The following SNX2 variants were observed in gnomAD, a reference collection of about 807,000 sequenced individuals.
The protein encoded by SNX2 is sorting nexin-2.
Under a neutral mutation model 69.9 loss-of-function variants are expected in SNX2, and 25 were observed. The ratio of observed to expected loss-of-function variants is 0.36; its 90% CI spans 0.26 to 0.50. SNX2 has a LOEUF of 0.50. SNX2 is among the 20% of genes least tolerant of loss of function. The probability of loss-of-function intolerance (pLI) is 0.97; values close to 1 mark genes in which losing one functional copy is unlikely to be tolerated. For synonymous variants in SNX2, 229 were observed against 200.4 expected, an observed-to-expected ratio of 1.14 and a Z score of -1.20; for missense variants, 551 against 613.3, an observed-to-expected ratio of 0.90 and a Z score of 1.07.
At chr5:122,798,433 C>T (rs1753434485) in intron 2 of SNX2, among the ~76,000 whole-genome samples, 1 of 152,072 alleles carries the variant, frequency 6.6e-6, no homozygotes, top group Non-Finnish European at 1.5e-5. Context: ...CATGAGATAA[C>T]CAGTAAGAAT....
chr5:122,789,587 G>C (rs539519609), intron 1 of SNX2, among the ~76,000 whole-genome samples: 1 of 152,052 alleles, frequency 6.6e-6, no homozygotes, highest in Non-Finnish European at 1.5e-5. Flanking sequence ...CTCCATGCCT[G>C]GGACTTGCTT....
chr5:122,779,826 T>C (rs935276425), intron 1 of SNX2, among the ~76,000 whole-genome samples: 3 of 152,178 alleles, frequency 2.0e-5, no homozygotes, highest in Non-Finnish European at 4.4e-5. Context: ...TTGCTGCTCC[T>C]ATCAACCCAT....
intron 2 of SNX2, among the ~76,000 whole-genome samples, chr5:122,796,505 G>A (rs966679533): frequency 6.6e-6 from 1 of 152,166 alleles, no homozygotes; most frequent in African/African-American, 2.4e-5. Context: ...ACAACTTAGA[G>A]TCAAAATCAC....
intron 11 of SNX2, among the ~76,000 whole-genome samples, chr5:122,823,134 C>T (rs1754061073): frequency 6.6e-6 from 1 of 151,504 alleles, no homozygotes; most frequent in South Asian, 2.1e-4. Context: ...AATGGAGGTC[C>T]TAAATGGATG....
chr5:122,787,911 C>A (rs2150002379), intron 1 of SNX2, among the ~76,000 whole-genome samples: 1 of 152,160 alleles, frequency 6.6e-6, no homozygotes, highest in East Asian at 1.9e-4. Flanking sequence ...ATCTTTACTT[C>A]AACAGTCATG....
At chr5:122,806,134 A>ATGCACGCG (rs142218645) in intron 6 of SNX2, among the ~76,000 whole-genome samples, 1 of 121,374 alleles carries the variant, frequency 8.2e-6, no homozygotes, top group African/African-American at 2.8e-5. Context: ...ATATATACAC[A>ATGCACGCG]CGCGCGCGCA....
chr5:122,818,135 G>A (rs927302022), intron 10 of SNX2, among the ~76,000 whole-genome samples: 2 of 152,096 alleles, frequency 1.3e-5, no homozygotes, highest in African/African-American at 4.8e-5. Context: ...TAGGGAATGG[G>A]CTTTTTTGGA....
rs568115607 is a variant in SNX2, at chr5:122,815,983, A to G, written c.798+12A>G. On this transcript the variant is annotated intron_variant, in intron 8 of 14. Coordinates refer to ENST00000379516, the MANE Select transcript of SNX2 (RefSeq NM_003100.4). The stretch of plus-strand genomic sequence containing the variant: ...TGGAAAGTTCAGAGGTATTATTTCT[A>G]TATTAAATGTTTGTATATGAATGTT... 2 of 1,473,284 alleles carry G rather than the reference A, an allele frequency of 1.4e-6. No individual in the cohort carries two copies. The highest frequency in any genetic ancestry group is 1.4e-5 in the African/African-American group (1 of 71,648). The allele number at this position is 1,473,284 out of a possible 1,614,324, so 91.3% of individuals were successfully genotyped here. A position where few individuals can be genotyped will look rare whatever the true frequency, so the allele number is the denominator to read the frequency against.
chr5:122,806,168 A>ACACACACACAC (rs1491247026), intron 6 of SNX2, among the ~76,000 whole-genome samples: 14 of 145,760 alleles, frequency 9.6e-5, no homozygotes, highest in Non-Finnish European at 4.6e-5. Flanking sequence ...ACACACACAC[A>ACACACACACAC]GCCCACCATT....
intron 14 of SNX2, 84 bp from the exon 15 acceptor site, chr5:122,829,514 T>G (rs6885464): frequency 0.36 from 407,030 of 1,123,260 alleles, 78,538 homozygotes; most frequent in African/African-American, 0.49. Context: ...TTATGTAGAT[T>G]TTTTTTTAAT....
intron 7 of SNX2, among the ~76,000 whole-genome samples, chr5:122,813,962 T>A (rs1753840871): frequency 6.6e-6 from 1 of 151,902 alleles, no homozygotes. Flanking sequence ...TTAGTGGAGA[T>A]GGGGTTTCAC....
intron 7 of SNX2, among the ~76,000 whole-genome samples, chr5:122,808,869 G>T (rs1427238821): frequency 1.3e-5 from 2 of 152,052 alleles, no homozygotes; most frequent in African/African-American, 4.8e-5. Context: ...TAACTTTTCT[G>T]ATGAGTTTTT....
intron 1 of SNX2, among the ~76,000 whole-genome samples, chr5:122,789,474 GACACACACACAC>G (rs60199625): frequency 1.7e-4 from 25 of 144,684 alleles, no homozygotes; most frequent in South Asian, 4.5e-4. Context: ...GACACACACG[GACACACACACAC>G]ACACACACAC....
chr5:122,806,142 G>GCACGCGCACACACACACACACACACACA (rs1554063175), intron 6 of SNX2, among the ~76,000 whole-genome samples: 73 of 130,652 alleles, frequency 5.6e-4, no homozygotes, highest in African/African-American at 1.6e-3. Flanking sequence ...ACACGCGCGC[G>GCACGCGCACACACACACACACACACACA]CACACACACA....
intron 7 of SNX2, chr5:122,808,578 C>T (rs1753703091): frequency 2.8e-6 from 1 of 362,174 alleles, no homozygotes; most frequent in African/African-American, 2.1e-5. Flanking sequence ...AATAGTCTAA[C>T]AAAATAACAC....
chr5:122,818,881 A>C lies in SNX2; in HGVS notation c.1070A>C (p.His357Pro). The C allele has an allele frequency of 6.2e-7, 1 of 1,614,044 alleles. No homozygotes were observed. The highest frequency in any genetic ancestry group is 8.5e-7 in the Non-Finnish European group (1 of 1,179,946). The change falls in exon 11 of 15, where the codon CAT (histidine) becomes CCT (proline). Residue 357 changes from histidine (H) to proline (P), a missense_variant. Coordinates refer to ENST00000379516, the MANE Select transcript of SNX2 (RefSeq NM_003100.4). ...GCCATGTTAGGTAATTCTGAGGATC[A>C]TACTGCTTTATCTAGAGCTTTGTCT... ...SAAMLGNSEDHTALSRALSQL... is the reference protein window; with the variant it reads ...SAAMLGNSEDPTALSRALSQL...
chr5:122,825,024 A>T (rs895213458), intron 11 of SNX2, among the ~76,000 whole-genome samples: 3 of 152,128 alleles, frequency 2.0e-5, no homozygotes, highest in Non-Finnish European at 4.4e-5. Flanking sequence ...CTAATATTAG[A>T]ACCAAATTTG....
At chr5:122,778,071 G>A (rs1177606514) in intron 1 of SNX2, among the ~76,000 whole-genome samples, 5 of 152,176 alleles carry the variant, frequency 3.3e-5, no homozygotes, top group Non-Finnish European at 7.4e-5. Context: ...GGAACATGCA[G>A]TATTTGTCTT....
chr5:122,775,067 C>A (rs1752823005), upstream of SNX2: 2 of 1,552,462 alleles, frequency 1.3e-6, no homozygotes, highest in African/African-American at 1.4e-5. Flanking sequence ...GACGGGTCCG[C>A]GAGGCCCAGC....
Sources: allele counts gnomAD v4.1 joint callset (sites outside exome capture counted in the v4.1 genomes callset), GRCh38; gene constraint gnomAD v4.1.1; transcripts MANE v1.5; gene names NCBI Gene and HGNC (gene_info 2026-07-23, HGNC 2026-07-21).